PACS2: variants seen among roughly 807,000 people sequenced by gnomAD.
PACS2 encodes the protein PACS1-like protein.
Under a neutral mutation model 113.0 loss-of-function variants are expected in PACS2, and 36 were observed. The observed-to-expected ratio is 0.32, with a 90% CI of 0.24 to 0.42. The LOEUF (loss-of-function observed/expected upper bound fraction) is 0.42. PACS2 is among the 10% of genes least tolerant of loss of function. The pLI is 1.00. For synonymous variants in PACS2, 589 were observed against 536.1 expected, an observed-to-expected ratio of 1.10 and a Z score of -1.36; for missense variants, 1,015 against 1,239.5, an observed-to-expected ratio of 0.82 and a Z score of 2.72.
intron 1 of PACS2, among the ~76,000 whole-genome samples, chr14:105,333,928 C>T (rs915820864): frequency 1.1e-4 from 17 of 152,212 alleles, no homozygotes; most frequent in African/African-American, 3.6e-4. Context: ...GTGCCTCACC[C>T]GGGCTAAAAT....
At chr14:105,385,015 C>A in intron 18 of PACS2, 28 bp downstream of exon 18, 1 of 1,375,332 alleles carries the variant, frequency 7.3e-7, no homozygotes, top group Non-Finnish European at 1.0e-6. Context: ...GGCACCATAC[C>A]ACAGGCTGCC....
chr14:105,380,090 C>A lies in PACS2; in HGVS notation c.1061C>A (p.Pro354His). Reference protein sequence around the residue: ...HKEPPSPADVPEKTRSLGGRQ... With the variant: ...HKEPPSPADVHEKTRSLGGRQ... ...TCTCCTCCCCCACAGGCTGACGTGCCCGAGAAGACGCGGTCCCTGGGAGGC... is the reference window on the plus strand; with the variant it reads ...TCTCCTCCCCCACAGGCTGACGTGCACGAGAAGACGCGGTCCCTGGGAGGC... Residue 354 changes from proline to histidine, a missense_variant, in exon 11 of 25, where the codon CCC becomes CAC. Physicochemically the swap from Pro to His is moderately conservative, Grantham distance 77. Transcript: ENST00000447393. The A allele has an allele frequency of 6.4e-7, 1 of 1,552,820 alleles. No individual in the cohort carries two copies. Among genetic ancestry groups the A allele is most frequent in the East Asian group, 2.4e-5 (1 of 41,154 alleles).
intron 4 of PACS2, among the ~76,000 whole-genome samples, chr14:105,363,131 C>T (rs1361865429): frequency 1.3e-5 from 2 of 152,124 alleles, no homozygotes; most frequent in East Asian, 1.9e-4. Context: ...CACAGACAGT[C>T]GACTTTGCAT....
chr14:105,351,420 C>A (rs1304782306), intron 2 of PACS2, among the ~76,000 whole-genome samples: 1 of 152,208 alleles, frequency 6.6e-6, no homozygotes, highest in African/African-American at 2.4e-5. Context: ...TCATGCATTT[C>A]CTGCACCTAC....
At chr14:105,378,558 C>T (rs1056959072) in intron 9 of PACS2, among the ~76,000 whole-genome samples, 2 of 152,202 alleles carry the variant, frequency 1.3e-5, no homozygotes, top group Non-Finnish European at 2.9e-5. Flanking sequence ...CAATGGCGTG[C>T]GCCACCACAC....
At chr14:105,372,181 G>C (rs1022053687) in intron 8 of PACS2, 5 of 152,272 alleles carry the variant, frequency 3.3e-5, no homozygotes, top group African/African-American at 4.8e-5. Context: ...GGCTCTGCTT[G>C]GGACCCATCC....
intron 19 of PACS2, chr14:105,388,724 G>A (rs2081260978): frequency 6.6e-6 from 1 of 152,346 alleles, no homozygotes; most frequent in Non-Finnish European, 1.5e-5. Flanking sequence ...GTCTCCGCCT[G>A]TAAGACAGCC....
chr14:105,310,387 A>G (rs587728383), upstream of PACS2, among the ~76,000 whole-genome samples: 11 of 151,948 alleles, frequency 7.2e-5, no homozygotes, highest in African/African-American at 2.4e-4. Flanking sequence ...AAAATTAGCC[A>G]GGCGTGGTGG....
chr14:105,355,296 G>T lies in PACS2; in HGVS notation c.423+119G>T. On this transcript the variant is annotated intron_variant, in intron 4 of 24. Transcript: ENST00000447393. This position sits in a 1 kb window ranked among gnomAD's most constrained non-coding sequence, Gnocchi z 4.1. ...AGATGTCCAGGGATCAGGTGAAAAT[G>T]ATGAGAGGAGCCTGGGCGGCCGGGC... 1 of 1,242,884 alleles carries T rather than the reference G, an allele frequency of 8.0e-7. No homozygotes were observed. The allele number at this position is 1,242,884 out of a possible 1,614,324, so 77.0% of individuals were successfully genotyped here.
chr14:105,310,200 C>G (rs114831691), upstream of PACS2, among the ~76,000 whole-genome samples: 2,138 of 151,994 alleles, frequency 0.014, 54 homozygotes, highest in African/African-American at 0.049. Flanking sequence ...TTTTAGTGGT[C>G]TTATGGACTT....
chr14:105,319,760 G>C (rs1443421793), intron 1 of PACS2, among the ~76,000 whole-genome samples: 1 of 152,156 alleles, frequency 6.6e-6, no homozygotes, highest in African/African-American at 2.4e-5. Context: ...CCTTAAGGAA[G>C]GTTTCCAGTG....
intron 17 of PACS2, among the ~76,000 whole-genome samples, 158 bp from the exon 18 acceptor site, chr14:105,384,721 G>A (rs974753600): frequency 1.3e-5 from 2 of 152,122 alleles, no homozygotes; most frequent in Non-Finnish European, 2.9e-5. Flanking sequence ...GTACTGCCTC[G>A]AGAGTAGAGC....
At position 105,396,573 on chromosome 14, in the gene PACS2, T is replaced by TCACTG. The variant is rs1331808741; in HGVS notation, c.*1904_*1908dup. ...TGGAGTGCAGTGGCATGATCTCAGC[T>TCACTG]CACTGCAGCCTCCGTCTCCCAGGTT... On this transcript the variant is annotated 3_prime_UTR_variant, in exon 25 of 25. Coordinates refer to ENST00000447393, the MANE Select transcript of PACS2 (RefSeq NM_001100913.3). 1 of 146,966 alleles carries TCACTG rather than the reference T, an allele frequency of 6.8e-6. No homozygotes were observed. The highest frequency in any genetic ancestry group is 1.5e-5 in the Non-Finnish European group (1 of 67,302). The allele number at this position is 146,966 out of a possible 1,614,324, so 9.1% of individuals were successfully genotyped here.
chr14:105,333,505 C>T (rs1048863159), intron 1 of PACS2, among the ~76,000 whole-genome samples: 2 of 152,216 alleles, frequency 1.3e-5, no homozygotes, highest in African/African-American at 2.4e-5. Flanking sequence ...CTGGCTGCTC[C>T]CTGGGGTGCT....
chr14:105,320,134 C>T (rs943707885), intron 1 of PACS2, among the ~76,000 whole-genome samples: 9 of 151,914 alleles, frequency 5.9e-5, no homozygotes, highest in East Asian at 3.9e-4. Context: ...TGCACCACCA[C>T]GCCCAGCGAA....
At position 105,354,667 on chromosome 14, in the gene PACS2, A is replaced by T. The variant is rs2060361637; in HGVS notation, c.298-385A>T. Among the ~76,000 whole-genome samples, 1 of 152,148 alleles carries T rather than the reference A, an allele frequency of 6.6e-6. No homozygotes were observed. The highest frequency in any genetic ancestry group is 2.4e-5 in the African/African-American group (1 of 41,424). On this transcript the variant is annotated intron_variant, in intron 3 of 24. Coordinates refer to ENST00000447393, the MANE Select transcript of PACS2 (RefSeq NM_001100913.3). The surrounding 1 kb of genome is among the most constrained non-coding windows in gnomAD (Gnocchi z 4.2). ...CCCGCCCTGTGTGCCCCTCGCGGAA[A>T]AGCGTCCTGGGTCCCACCTTGCTGA... is the stretch of plus-strand genomic sequence containing the variant.
intron 1 of PACS2, among the ~76,000 whole-genome samples, chr14:105,347,407 C>T (rs1013982348): frequency 3.3e-5 from 5 of 152,126 alleles, no homozygotes; most frequent in East Asian, 1.9e-4. Context: ...GACGGAAGCA[C>T]GTGGCGGCCA....
chr14:105,373,096 A>G (rs2061217489), intron 8 of PACS2, among the ~76,000 whole-genome samples: 1 of 152,246 alleles, frequency 6.6e-6, no homozygotes, highest in Admixed American at 6.5e-5. Flanking sequence ...AAATAAGTGG[A>G]AAGATGTCAT....
At position 105,348,725 on chromosome 14, in the gene PACS2, G is replaced by A; in HGVS notation, c.207+145G>A. 1.5e-6 allele frequency: 1 copy of A among 666,014 alleles called. No homozygotes were observed. Among genetic ancestry groups the A allele is most frequent in the East Asian group, 2.8e-5 (1 of 35,942 alleles). 41.3% of individuals were successfully genotyped at this position (666,014 alleles called of 1,614,324 possible). On this transcript the variant is annotated intron_variant, in intron 2 of 24. Transcript: ENST00000447393. This position sits in a 1 kb window ranked among gnomAD's most constrained non-coding sequence, Gnocchi z 6.4. ...GCCATCTCCGGGAGCCCGGGGGGCT[G>A]GGAATGACAGGATGCTCCTGGGTCC... is the stretch of plus-strand genomic sequence containing the variant.
Sources: gnomAD v4.1 joint callset for allele counts (sites outside exome capture counted in the v4.1 genomes callset) on GRCh38, gnomAD v4.1.1 for gene constraint, Gnocchi (gnomAD v3.1) non-coding constraint, MANE v1.5 for transcripts, NCBI Gene and HGNC (gene_info 2026-07-23, HGNC 2026-07-21) for gene names.